The following AJUBA variants were observed in gnomAD, a reference collection of about 807,000 sequenced individuals.
AJUBA encodes the protein ajuba LIM protein.
A neutral mutation model predicts 53.3 loss-of-function variants in AJUBA; 20 were observed. The observed-to-expected ratio is 0.38, with a 90% CI of 0.26 to 0.55. The LOEUF is 0.55. Among genes scored for constraint, AJUBA ranks in the 20% least tolerant of loss-of-function variants. The pLI is 0.80. For synonymous variants in AJUBA, 296 were observed against 306.2 expected (o/e 0.97, Z 0.35); for missense variants, 580 against 730.5 (o/e 0.79, Z 2.38).
chr14:22,978,503 GCTTTCCTGACTGCC>G, intron 1 of AJUBA, 58 bp from the exon 2 acceptor site: 1 of 1,579,950 alleles, frequency 6.3e-7, no homozygotes, highest in Non-Finnish European at 8.7e-7. Flanking sequence ...GGATTCCCAA[GCTTTCCTGACTGCC>G]CTTTCCTGAT....
intron 1 of AJUBA, 73 bp downstream of exon 1, chr14:22,981,188 G>A: frequency 6.7e-7 from 1 of 1,499,946 alleles, no homozygotes; most frequent in Non-Finnish European, 8.9e-7. Flanking sequence ...CCGGCACTTT[G>A]GGCCGTCGGG....
chr14:22,982,373 G>T lies in AJUBA; in HGVS notation c.-107C>A. On this transcript the variant is annotated 5_prime_UTR_variant, in exon 1 of 8. In the 5' UTR this introduces an upstream ATG that the reference lacks. Coordinates refer to ENST00000262713, the MANE Select transcript of AJUBA (RefSeq NM_032876.6). Reference sequence around the variant, plus strand: ...CGGACTCTGGTTCCCCAGGGGCACAGGGGAGGCACAGGGGCTTAGCGGGCG... The same window carrying T: ...CGGACTCTGGTTCCCCAGGGGCACATGGGAGGCACAGGGGCTTAGCGGGCG... 6.5e-7 allele frequency: 1 copy of T among 1,534,396 alleles called. No homozygotes were observed.
intron 1 of AJUBA, 136 bp from the exon 2 acceptor site, chr14:22,978,581 A>G: frequency 7.0e-7 from 1 of 1,437,506 alleles, no homozygotes; most frequent in Admixed American, 2.7e-5. Context: ...TAGAGAAGAT[A>G]ACGAGTAATG....
rs1352698639 is a variant in AJUBA at position 22,981,667 on chromosome 14, G to A, written c.600C>T (p.Val200=). The A allele has an allele frequency of 1.3e-6, 2 of 1,513,934 alleles. No individual in the cohort carries two copies. The highest frequency in any genetic ancestry group is 2.1e-5 in the Admixed American group (1 of 48,524). 93.8% of individuals were successfully genotyped at this position (1,513,934 alleles called of 1,614,324 possible). A position where few individuals can be genotyped will look rare whatever the true frequency, so the allele number is the denominator to read the frequency against. ...CGTGGAGCTCCGGGTAGGCGGACGG[G>A]ACCCCTCCGGGAGAATAGCCTGCCG... ...GAPAGYSPGG[V]PSAYPELHAA... Residue 200 remains valine, a synonymous_variant, in exon 1 of 8, where the codon GTC becomes GTT. Transcript: ENST00000262713.
At chr14:22,980,791 A>C (rs1369464411) in intron 1 of AJUBA, 1 of 485,240 alleles carries the variant, frequency 2.1e-6, no homozygotes, top group Non-Finnish European at 2.7e-6. Context: ...GCGCCCGGGC[A>C]GGAGTCGGCA....
rs2045003290 is a variant in AJUBA, at chr14:22,973,432, G to A, written c.*11C>T. On this transcript the variant is annotated 3_prime_UTR_variant, in exon 8 of 8. Transcript: ENST00000262713. ...TGTCTGCAGGGTGACAGCAGCAGCA[G>A]TGATTGCAGCTCAGATATAGTTGGC... 2.5e-6 allele frequency: 4 copies of A among 1,603,282 alleles called. No individual in the cohort carries two copies. Among genetic ancestry groups the A allele is most frequent in the Non-Finnish European group, 3.4e-6 (4 of 1,174,864 alleles).
At chr14:22,977,036 ACGTG>A in intron 2 of AJUBA, 1 of 1,219,088 alleles carries the variant, frequency 8.2e-7, no homozygotes, top group South Asian at 2.6e-5. Flanking sequence ...AAAGCCAACT[ACGTG>A]CTGGAATACG....
At chr14:22,974,644 T>C (rs551301412) in intron 6 of AJUBA, 195 bp downstream of exon 6, 1 of 602,674 alleles carries the variant, frequency 1.7e-6, no homozygotes, top group South Asian at 2.3e-5. Context: ...TGGGCCCAGT[T>C]AGGCTTTCAG....
At chr14:22,978,975 T>C (rs2139354339) in intron 1 of AJUBA, 1 of 1,289,098 alleles carries the variant, frequency 7.8e-7, no homozygotes, top group South Asian at 1.2e-5. Flanking sequence ...CTTCCAAGGA[T>C]GGAGAAAAGG....
chr14:22,974,243 C>G (rs2045013132), intron 6 of AJUBA, 128 bp from the exon 7 acceptor site: 1 of 978,308 alleles, frequency 1.0e-6, no homozygotes, highest in East Asian at 2.4e-5. Context: ...TCTGCAATCA[C>G]CTGTAGTTTT....
rs571829566 is a variant in AJUBA at position 22,978,584 on chromosome 14, G to C, written c.1007-139C>G. 30 of 1,430,944 alleles carry C rather than the reference G, an allele frequency of 2.1e-5. 1 individual carries two copies. The Admixed American group carries it at 2.8e-4, about 13-fold the overall frequency. The allele number at this position is 1,430,944 out of a possible 1,614,324, so 88.6% of individuals were successfully genotyped here. A position where few individuals can be genotyped will look rare whatever the true frequency, so the allele number is the denominator to read the frequency against. On this transcript the variant is annotated intron_variant, in intron 1 of 7. Coordinates refer to ENST00000262713, the MANE Select transcript of AJUBA (RefSeq NM_032876.6). ...CTCCCTTCTGAGTAGAGAAGATAAC[G>C]AGTAATGAGATGCAGCAAGATCTTG...
rs182870175 is a variant in AJUBA at position 22,974,204 on chromosome 14, G to A, written c.1423-89C>T. On this transcript the variant is annotated intron_variant, in intron 6 of 7. Coordinates refer to ENST00000262713, the MANE Select transcript of AJUBA (RefSeq NM_032876.6). ...ATATACAACCCTTCCCACCCCATGG[G>A]AAGATCATACAAATGCCCCCAGAGT... 5,769 of 1,390,950 alleles carry A rather than the reference G, an allele frequency of 4.1e-3. 22 individuals carry two copies. The highest frequency in any genetic ancestry group is 5.1e-3 in the Non-Finnish European group (4,971 of 978,814). The allele number at this position is 1,390,950 out of a possible 1,614,324, so 86.2% of individuals were successfully genotyped here.
chr14:22,981,667 G>C lies in AJUBA; in HGVS notation c.600C>G (p.Val200=). 6.6e-7 allele frequency: 1 copy of C among 1,513,934 alleles called. No homozygotes were observed. Among genetic ancestry groups the C allele is most frequent in the Non-Finnish European group, 8.8e-7 (1 of 1,132,936 alleles). The allele number at this position is 1,513,934 out of a possible 1,614,324, so 93.8% of individuals were successfully genotyped here. The change falls in exon 1 of 8, where the codon GTC becomes GTG. Residue 200 remains valine, a synonymous_variant. Coordinates refer to ENST00000262713, the MANE Select transcript of AJUBA (RefSeq NM_032876.6). ...CGTGGAGCTCCGGGTAGGCGGACGG[G>C]ACCCCTCCGGGAGAATAGCCTGCCG... ...GAPAGYSPGG[V]PSAYPELHAA...
Position 22,979,236 on chromosome 14 carries a change from G to C in AJUBA, c.1007-791C>G. 1 of 776,962 alleles carries C rather than the reference G, an allele frequency of 1.3e-6. No homozygotes were observed. Among genetic ancestry groups the C allele is most frequent in the South Asian group, 5.9e-5 (1 of 17,046 alleles). 48.1% of individuals were successfully genotyped at this position (776,962 alleles called of 1,614,324 possible). A position where few individuals can be genotyped will look rare whatever the true frequency, so the allele number is the denominator to read the frequency against. ...TGGCTCTGGGACTTGCCTTTCCTGG[G>C]TGTGTTCTTCCCTCCCTCCACTCCC... On this transcript the variant is annotated intron_variant, in intron 1 of 7. Coordinates refer to ENST00000262713, the MANE Select transcript of AJUBA (RefSeq NM_032876.6). The surrounding 1 kb of genome is among the most constrained non-coding windows in gnomAD (Gnocchi z 4.0).
rs1438821560 is a variant in AJUBA at position 22,973,453 on chromosome 14, T to C, written c.1607A>G (p.Asn536Ser). The C allele has an allele frequency of 3.7e-6, 6 of 1,610,752 alleles. No individual in the cohort carries two copies. Among genetic ancestry groups the C allele is most frequent in the East Asian group, 2.2e-5 (1 of 44,786 alleles). Reference sequence around the variant, plus strand: ...AGCAGTGATTGCAGCTCAGATATAGTTGGCAGGGGGTTGTCGGGCATTGAG... The same window carrying C: ...AGCAGTGATTGCAGCTCAGATATAGCTGGCAGGGGGTTGTCGGGCATTGAG... ...QRLNARQPPA[N>S]YI The change falls in exon 8 of 8, where the codon AAC becomes AGC. Residue 536 changes from asparagine to serine, a missense_variant. Physicochemically the swap from Asn to Ser is conservative, Grantham distance 46. Coordinates refer to ENST00000262713, the MANE Select transcript of AJUBA (RefSeq NM_032876.6).
In AJUBA at chr14:22,981,643, G is replaced by C. The variant is rs778363490; in HGVS notation, c.624C>G (p.His208Gln). 2.0e-6 allele frequency: 3 copies of C among 1,516,820 alleles called. No individual in the cohort carries two copies. The East Asian group carries it at 7.3e-5, about 37-fold the overall frequency. The allele number at this position is 1,516,820 out of a possible 1,614,324, so 94.0% of individuals were successfully genotyped here. A position where few individuals can be genotyped will look rare whatever the true frequency, so the allele number is the denominator to read the frequency against. The change falls in exon 1 of 8, where the codon CAC becomes CAG. Residue 208 changes from histidine to glutamine, a missense_variant. Physicochemically the swap from His to Gln is conservative, Grantham distance 24. This residue lies in a region of AJUBA where 430 missense variants were observed against 471.5 expected (regional missense o/e 0.91). Coordinates refer to ENST00000262713, the MANE Select transcript of AJUBA (RefSeq NM_032876.6). ...GGVPSAYPEL[H>Q]AALDRLYAQR... ...GAGCGTACAATCGGTCCAGGGCGGCGTGGAGCTCCGGGTAGGCGGACGGGA... is the reference window on the plus strand; with the variant it reads ...GAGCGTACAATCGGTCCAGGGCGGCCTGGAGCTCCGGGTAGGCGGACGGGA...
Position 22,974,085 on chromosome 14 carries a change from T to C in AJUBA, c.1453A>G (p.Met485Val), listed in dbSNP as rs375420385. 1.2e-6 allele frequency: 2 copies of C among 1,614,134 alleles called. No homozygotes were observed. The highest frequency in any genetic ancestry group is 1.6e-4 in the Middle Eastern group (1 of 6,062). ...CACTCAAAGTGATAATCCCGGTCCA[T>C]GGATATCACCCTCACGATGTCCTCA... ...GCEDIVRVIS[M>V]DRDYHFECYH... The change falls in exon 7 of 8, where the codon ATG (methionine) becomes GTG (valine). Residue 485 changes from methionine to valine, a missense_variant. Met to Val is a conservative substitution (Grantham distance 21, BLOSUM62 1). Transcript: ENST00000262713.
intron 1 of AJUBA, among the ~76,000 whole-genome samples, 157 bp downstream of exon 1, chr14:22,981,104 T>C (rs2045086560): frequency 6.6e-6 from 1 of 152,088 alleles, no homozygotes; most frequent in South Asian, 2.1e-4. Flanking sequence ...AAGGGGACAG[T>C]GCTCTGGGGC....
intron 1 of AJUBA, chr14:22,978,774 A>G: frequency 1.0e-5 from 12 of 1,199,758 alleles, no homozygotes; most frequent in Non-Finnish European, 1.3e-5. Flanking sequence ...AAGACTACAC[A>G]GGCAAGGTAT....
Sources: allele counts gnomAD v4.1 joint callset (sites outside exome capture counted in the v4.1 genomes callset), GRCh38; gene constraint gnomAD v4.1.1; regional missense constraint gnomAD v4.1.1; non-coding constraint Gnocchi (gnomAD v3.1); transcripts MANE v1.5; gene names NCBI Gene and HGNC (gene_info 2026-07-23, HGNC 2026-07-21).